Variants in WLS observed in about 807,000 individuals in gnomAD.
The protein encoded by WLS is Wnt ligand secretion mediator, also known as protein wntless homolog.
A neutral mutation model predicts 62.8 loss-of-function variants in WLS; 23 were observed. The observed-to-expected ratio is 0.37, with a 90% CI of 0.26 to 0.52. The LOEUF is 0.52. Among genes scored for constraint, WLS ranks in the 20% least tolerant of loss-of-function variants. The pLI, the probability that WLS is intolerant of heterozygous loss-of-function variation, is 0.92. For synonymous variants in WLS, 246 were observed against 244.1 expected (o/e 1.01, Z -0.07); for missense variants, 615 against 697.3 (o/e 0.88, Z 1.33).
chr1:68,155,449 TCAA>T (rs995708722), intron 3 of WLS, among the ~76,000 whole-genome samples, 189 bp from the exon 4 acceptor site: 29 of 152,088 alleles, frequency 1.9e-4, no homozygotes, highest in African/African-American at 6.0e-4. Flanking sequence ...AAAACAAACA[TCAA>T]CAACAACAAC....
intron 1 of WLS, among the ~76,000 whole-genome samples, chr1:68,197,729 T>C (rs1648753854): frequency 6.6e-6 from 1 of 152,178 alleles, no homozygotes; most frequent in African/African-American, 2.4e-5. Context: ...TCACCTACCA[T>C]AGAATGTGTT....
rs6143260 is a variant in WLS at position 68,131,062 on chromosome 1, T to TTGTGTGTGTGTG, written c.1517-4739_1517-4728dup. 4.5e-3 allele frequency among the ~76,000 whole-genome samples: 652 copies of TTGTGTGTGTGTG among 146,134 alleles called. 3 individuals are homozygous for TTGTGTGTGTGTG. Among genetic ancestry groups the TTGTGTGTGTGTG allele is most frequent in the Middle Eastern group, 0.014 (4 of 286 alleles). ...CGCATGCCACCATGCCCAGCTAATT[T>TTGTGTGTGTGTG]TGTGTGTGTGTGTGTGTGTGTGTGT... On this transcript the variant is annotated intron_variant, in intron 11 of 11. Coordinates refer to ENST00000262348, the MANE Select transcript of WLS (RefSeq NM_024911.7).
At chr1:68,116,507 T>G (rs1394734423) in intron 11 of WLS, among the ~76,000 whole-genome samples, 1 of 152,242 alleles carries the variant, frequency 6.6e-6, no homozygotes, top group Non-Finnish European at 1.5e-5. Flanking sequence ...TGTTACTTCC[T>G]AGCTGTGTGA....
At chr1:68,137,301 T>A (rs533958731) in intron 11 of WLS, among the ~76,000 whole-genome samples, 36 of 152,202 alleles carry the variant, frequency 2.4e-4, no homozygotes, top group African/African-American at 8.4e-4. Flanking sequence ...GGAGAATAGC[T>A]ATTGGTTTAG....
At chr1:68,222,922 G>A (rs1477090098) in intron 1 of WLS, among the ~76,000 whole-genome samples, 2 of 137,418 alleles carry the variant, frequency 1.5e-5, no homozygotes, top group Non-Finnish European at 3.1e-5. Context: ...TGGGGGTGGG[G>A]GTGGGGGGCA....
intron 1 of WLS, chr1:68,203,043 C>T (rs1649108896): frequency 1.3e-5 from 2 of 152,226 alleles, no homozygotes; most frequent in Admixed American, 1.3e-4. Flanking sequence ...AAGTTTCCAA[C>T]ATTTGTTATT....
At chr1:68,115,983 C>T (rs540977826) in intron 11 of WLS, among the ~76,000 whole-genome samples, 7 of 152,278 alleles carry the variant, frequency 4.6e-5, no homozygotes, top group Admixed American at 1.3e-4. Context: ...ACCTCCTGGT[C>T]GGGAGCTTCC....
At chr1:68,198,757 C>G (rs1648822661) in intron 1 of WLS, among the ~76,000 whole-genome samples, 1 of 152,278 alleles carries the variant, frequency 6.6e-6, no homozygotes, top group East Asian at 1.9e-4. Flanking sequence ...ACCTGACATT[C>G]CCTGAGAAAG....
At chr1:68,179,607 G>A (rs577569334) in intron 2 of WLS, among the ~76,000 whole-genome samples, 1 of 152,286 alleles carries the variant, frequency 6.6e-6, no homozygotes, top group South Asian at 2.1e-4. Context: ...ATCAGCTGGA[G>A]GGATACAGGA....
At chr1:68,205,787 A>G (rs1424666185) in intron 1 of WLS, among the ~76,000 whole-genome samples, 1 of 152,236 alleles carries the variant, frequency 6.6e-6, no homozygotes, top group Non-Finnish European at 1.5e-5. Context: ...GATCAAAACT[A>G]CAAAACAGGC....
At chr1:68,179,726 C>T (rs1222162391) in intron 2 of WLS, among the ~76,000 whole-genome samples, 1 of 152,158 alleles carries the variant, frequency 6.6e-6, no homozygotes, top group South Asian at 2.1e-4. Context: ...ATTGTAATTA[C>T]ACTAATAGTC....
At chr1:68,176,988 T>C (rs1647285664) in intron 2 of WLS, among the ~76,000 whole-genome samples, 1 of 152,210 alleles carries the variant, frequency 6.6e-6, no homozygotes, top group Non-Finnish European at 1.5e-5. Context: ...TCCTGATCTT[T>C]TCTTACCACT....
chr1:68,170,269 G>A (rs1647131964), intron 2 of WLS, among the ~76,000 whole-genome samples: 1 of 149,388 alleles, frequency 6.7e-6, no homozygotes, highest in African/African-American at 2.5e-5. Flanking sequence ...GGGTTCAAGC[G>A]ATTCTCCTGC....
At chr1:68,145,414 C>A (rs184384834) in intron 9 of WLS, among the ~76,000 whole-genome samples, 65 of 152,188 alleles carry the variant, frequency 4.3e-4, no homozygotes, top group Admixed American at 2.9e-3. Context: ...TCTGTCTGAG[C>A]ATCTGCTGGA....
chr1:68,104,101 T>C (rs897976052), intron 11 of WLS, among the ~76,000 whole-genome samples: 3 of 151,602 alleles, frequency 2.0e-5, no homozygotes, highest in African/African-American at 4.9e-5. Flanking sequence ...ACAGAAGCAG[T>C]AGGGAGAAAA....
At chr1:68,227,425 A>G (rs1650203639) in intron 1 of WLS, among the ~76,000 whole-genome samples, 1 of 144,718 alleles carries the variant, frequency 6.9e-6, no homozygotes, top group African/African-American at 2.6e-5. Context: ...AAAAAAAAAA[A>G]GAGCAATTAG....
intron 2 of WLS, among the ~76,000 whole-genome samples, chr1:68,167,567 T>C (rs1035003275): frequency 2.0e-5 from 3 of 152,156 alleles, no homozygotes; most frequent in Non-Finnish European, 2.9e-5. Context: ...TTTGGCACTA[T>C]ATTAGAACTT....
intron 10 of WLS, 74 bp downstream of exon 10, chr1:68,144,495 C>A: frequency 7.0e-7 from 1 of 1,422,930 alleles, no homozygotes. Flanking sequence ...CTCAGTGGCT[C>A]TATTGAATTT....
At position 68,211,214 on chromosome 1, in the gene WLS, C is replaced by A. The variant is rs186918502; in HGVS notation, c.107-16987G>T. On this transcript the variant is annotated intron_variant, in intron 1 of 11. Coordinates refer to ENST00000262348, the MANE Select transcript of WLS (RefSeq NM_024911.7). ...GAGGACAGGTCTAAACCCAAACATTCCTCTTGGAAAACCGACTACATTGTA... is the reference window on the plus strand; with the variant it reads ...GAGGACAGGTCTAAACCCAAACATTACTCTTGGAAAACCGACTACATTGTA... Among the ~76,000 whole-genome samples, 225 of 152,152 alleles carry A rather than the reference C, an allele frequency of 1.5e-3. 1 individual carries two copies. Among genetic ancestry groups the A allele is most frequent in the African/African-American group, 5.3e-3 (218 of 41,518 alleles).
Sources: gnomAD v4.1 joint callset for allele counts (sites outside exome capture counted in the v4.1 genomes callset) on GRCh38, gnomAD v4.1.1 for gene constraint, MANE v1.5 for transcripts, NCBI Gene and HGNC (gene_info 2026-07-23, HGNC 2026-07-21) for gene names.